The following CLCN5 variants were observed in gnomAD, a reference collection of about 807,000 sequenced individuals.
CLCN5 encodes H(+)/Cl(-) exchange transporter 5.
CLCN5 carries 17 observed loss-of-function variants against 54.0 expected under a neutral mutation model. That is an observed-to-expected ratio of 0.31 (90% CI 0.22 to 0.47). The LOEUF (loss-of-function observed/expected upper bound fraction) is 0.47. CLCN5 is among the 20% of genes least tolerant of loss of function. CLCN5 has a pLI of 1.00. For missense variants in CLCN5, 448 were observed against 646.7 expected (o/e 0.69, Z 3.33); for synonymous variants, 222 against 233.0 (o/e 0.95, Z 0.43).
chrX:49,925,109 T>C (rs1332643420), intron 2 of CLCN5, 62 bp from the exon 3 acceptor site: 1 of 484,497 alleles, frequency 2.1e-6, no homozygotes, highest in Non-Finnish European at 3.6e-6. Flanking sequence ...CAGGAGATAA[T>C]TTTCAAGCAT....
At position 50,069,920 on chromosome X, in the gene CLCN5, A is replaced by G; in HGVS notation, c.205A>G (p.Arg69Gly). 1 of 1,210,033 alleles carries G rather than the reference A, an allele frequency of 8.3e-7. No individual in the cohort carries two copies. The highest frequency in any genetic ancestry group is 1.1e-6 in the Non-Finnish European group (1 of 894,094). The change falls in exon 5 of 15, where the codon AGG becomes GGG. Residue 69 changes from arginine to glycine, a missense_variant. By Grantham distance (125) the Arg-to-Gly change is moderately radical. Coordinates refer to ENST00000376091, the MANE Select transcript of CLCN5 (RefSeq NM_001127898.4). Reference sequence around the variant, plus strand: ...TGGTGGAGGAATAGGTTCTTCAAATAGGATCATGGACTTCTTGGAGGAGCC... The same window carrying G: ...TGGTGGAGGAATAGGTTCTTCAAATGGGATCATGGACTTCTTGGAGGAGCC... ...YNGGGIGSSN[R>G]IMDFLEEPIP...
chrX:50,075,868 A>T lies in CLCN5; in HGVS notation c.489A>T (p.Gly163=). Residue 163 remains glycine, a synonymous_variant, in exon 7 of 15, where the codon GGA becomes GGT. Coordinates refer to ENST00000376091, the MANE Select transcript of CLCN5 (RefSeq NM_001127898.4). ...TAAAAGAAGGTATATGCACAGGGGG[A>T]TTCTGGTTTAACCATGAACATTGTT... ...TDLKEGICTG[G]FWFNHEHCCW... is the part of the protein sequence containing the mutation. 1 of 1,209,576 alleles carries T rather than the reference A, an allele frequency of 8.3e-7. No homozygotes were observed. Among genetic ancestry groups the T allele is most frequent in the Non-Finnish European group, 1.1e-6 (1 of 893,800 alleles).
chrX:50,011,123 G>A (rs1195250372), intron 3 of CLCN5, among the ~76,000 whole-genome samples: 1 of 111,309 alleles, frequency 9.0e-6, no homozygotes, highest in Non-Finnish European at 1.9e-5. Context: ...CTGACCTGGT[G>A]CATCACTCAC....
At chrX:50,049,087 A>T (rs1163318633) in intron 4 of CLCN5, among the ~76,000 whole-genome samples, 2 of 111,208 alleles carry the variant, frequency 1.8e-5, no homozygotes, top group Non-Finnish European at 3.8e-5. Flanking sequence ...CCTGGTTCCT[A>T]CCACTCACAA....
intron 3 of CLCN5, among the ~76,000 whole-genome samples, chrX:50,019,489 T>TA (rs1930976320): frequency 1.3e-5 from 1 of 76,188 alleles, no homozygotes; most frequent in African/African-American, 5.5e-5. Flanking sequence ...TTTTTTTTTT[T>TA]ATTATACTCT....
At position 49,964,378 on chromosome X, in the gene CLCN5, G is replaced by A. The variant is rs148623953; in HGVS notation, c.16+39064G>A. On this transcript the variant is annotated intron_variant, in intron 3 of 14. Coordinates refer to ENST00000376091, the MANE Select transcript of CLCN5 (RefSeq NM_001127898.4). ...AACTGTGTGCCAGGCTTTATTCTAC[G>A]CACCTTACAAATATTAACTCATAAA... 2.8e-3 allele frequency among the ~76,000 whole-genome samples: 308 copies of A among 111,607 alleles called. 3 individuals are homozygous for A. The highest frequency in any genetic ancestry group is 9.4e-3 in the African/African-American group (291 of 30,811).
chrX:50,086,010 T>TCTGTAGC lies in CLCN5; in HGVS notation c.967_973dup (p.Phe325CysfsTer15). 1 of 1,210,314 alleles carries TCTGTAGC rather than the reference T, an allele frequency of 8.3e-7. No individual in the cohort carries two copies. The highest frequency in any genetic ancestry group is 1.1e-6 in the Non-Finnish European group (1 of 893,920). ...GTCGGCTGCAGCAGCAGCTGGTGTA[T>TCTGTAGC]CTGTAGCCTTTGGAGCACCTATAGG... On this transcript the variant is annotated frameshift_variant, in exon 10 of 15. Coordinates refer to ENST00000376091, the MANE Select transcript of CLCN5 (RefSeq NM_001127898.4). LOFTEE classifies it high-confidence loss of function.
intron 3 of CLCN5, among the ~76,000 whole-genome samples, chrX:49,986,359 G>A (rs937973347): frequency 5.4e-5 from 6 of 111,550 alleles, no homozygotes; most frequent in Non-Finnish European, 9.4e-5. Context: ...AAAAAATGGT[G>A]TATTTAATTT....
At chrX:50,088,339 A>G (rs970999266) in intron 11 of CLCN5, 65 of 225,778 alleles carry the variant, frequency 2.9e-4, no homozygotes, top group Non-Finnish European at 4.3e-4. Context: ...GTCATTGTTG[A>G]TAAGAATTCA....
chrX:49,982,826 G>A (rs189946269), intron 3 of CLCN5, among the ~76,000 whole-genome samples: 38 of 111,410 alleles, frequency 3.4e-4, no homozygotes, highest in Admixed American at 1.8e-3. Flanking sequence ...ACTGGGATAC[G>A]GTTTTTTGTT....
chrX:50,073,928 G>T (rs1933313729), intron 6 of CLCN5, among the ~76,000 whole-genome samples: 1 of 111,586 alleles, frequency 9.0e-6, no homozygotes, highest in South Asian at 3.8e-4. Flanking sequence ...CCATGGCCTA[G>T]GGTGTTAACT....
intron 3 of CLCN5, among the ~76,000 whole-genome samples, chrX:49,959,864 AT>A (rs1340400207): frequency 9.0e-6 from 1 of 110,884 alleles, no homozygotes; most frequent in Non-Finnish European, 1.9e-5. Context: ...CCCTACGATA[AT>A]ATGACCTCCA....
intron 14 of CLCN5, among the ~76,000 whole-genome samples, chrX:50,091,903 G>A (rs782656025): frequency 1.9e-4 from 21 of 111,620 alleles, no homozygotes; most frequent in African/African-American, 6.8e-4. Flanking sequence ...AGAGGAAATC[G>A]CAGGGTCTGA....
intron 3 of CLCN5, among the ~76,000 whole-genome samples, chrX:49,981,970 T>G (rs1302873586): frequency 9.0e-6 from 1 of 110,643 alleles, no homozygotes; most frequent in East Asian, 2.8e-4. Context: ...TATCCTGGCT[T>G]TAGTGGCAGT....
At chrX:49,975,179 T>G (rs2082304047) in intron 3 of CLCN5, among the ~76,000 whole-genome samples, 1 of 111,616 alleles carries the variant, frequency 9.0e-6, no homozygotes. Context: ...AAATCAGACC[T>G]TGGCAATGAC....
intron 4 of CLCN5, among the ~76,000 whole-genome samples, chrX:50,064,028 C>T (rs1932916828): frequency 1.9e-5 from 2 of 105,512 alleles, no homozygotes; most frequent in African/African-American, 3.5e-5. Context: ...TAAGAGCTAT[C>T]TATGACAAAC....
intron 9 of CLCN5, among the ~76,000 whole-genome samples, chrX:50,082,709 CTATTCAAGTATA>C (rs1214996607): frequency 1.8e-5 from 2 of 111,580 alleles, no homozygotes; most frequent in African/African-American, 6.5e-5. Flanking sequence ...GTATGTAATT[CTATTCAAGTATA>C]TATTGCTTCT....
At chrX:49,936,009 G>C (rs782334090) in intron 3 of CLCN5, among the ~76,000 whole-genome samples, 1 of 111,157 alleles carries the variant, frequency 9.0e-6, no homozygotes, top group Admixed American at 9.5e-5. Flanking sequence ...CATAGTATGT[G>C]CTCATTGAAT....
intron 3 of CLCN5, among the ~76,000 whole-genome samples, chrX:49,962,644 A>T (rs1702257111): frequency 8.9e-6 from 1 of 111,875 alleles, no homozygotes; most frequent in African/African-American, 3.3e-5. Context: ...TGTTGTCCTT[A>T]TGAAAGAGTG....
Sources: gnomAD v4.1 joint callset for allele counts (sites outside exome capture counted in the v4.1 genomes callset) on GRCh38, gnomAD v4.1.1 for gene constraint, MANE v1.5 for transcripts, NCBI Gene and HGNC (gene_info 2026-07-23, HGNC 2026-07-21) for gene names.